Variants in TAS1R3 observed in about 807,000 individuals in gnomAD.
The protein encoded by TAS1R3 is taste receptor type 1 member 3.
A neutral mutation model predicts 46.1 loss-of-function variants in TAS1R3; 58 were observed. That is an observed-to-expected ratio of 1.26 (90% confidence interval 1.02 to 1.57). TAS1R3 has a LOEUF of 1.57. TAS1R3 is among the 40% of genes most tolerant of loss of function. The probability of loss-of-function intolerance (pLI) is 0.00; values close to 1 mark genes in which losing one functional copy is unlikely to be tolerated. For synonymous variants in TAS1R3, 724 were observed against 544.7 expected, an observed-to-expected ratio of 1.33 and a Z score of -4.58; for missense variants, 1,422 against 1,185.8, an observed-to-expected ratio of 1.20 and a Z score of -2.93.
At position 1,331,873 on chromosome 1, in the gene TAS1R3, G is replaced by C. The variant is rs140582284; in HGVS notation, c.427G>C (p.Gly143Arg). 2 of 1,612,822 alleles carry C rather than the reference G, an allele frequency of 1.2e-6. No individual in the cohort carries two copies. The highest frequency in any genetic ancestry group is 1.7e-6 in the Non-Finnish European group (2 of 1,179,992). ...QYQPRVLAVI[G>R]PHSSELAMVT... ...CCAGCCCCGTGTGCTGGCTGTCATC[G>C]GGCCCCACTCGTCAGAGCTCGCCAT... The change falls in exon 2 of 6, where the codon GGG becomes CGG. Residue 143 changes from glycine (G) to arginine (R), a missense_variant. Transcript: ENST00000339381.
chr1:1,333,417 G>C (rs1349755951), intron 5 of TAS1R3, 38 bp downstream of exon 5: 1 of 1,609,952 alleles, frequency 6.2e-7, no homozygotes, highest in Non-Finnish European at 8.5e-7. Context: ...TGGGAACGCA[G>C]CAGGGGAGGG....
rs758132427 is a variant in TAS1R3 at position 1,332,325 on chromosome 1, A to G, written c.794A>G (p.Gln265Arg). 3.4e-5 allele frequency: 54 copies of G among 1,607,130 alleles called. No individual in the cohort carries two copies. The Middle Eastern group carries it at 6.6e-4, about 20-fold the overall frequency. ...CAGGACGTCCTGCACCAGGTGAACC[A>G]GAGCAGCGTGCAGGTGGTGCTGCTG... is the stretch of plus-strand genomic sequence containing the variant. ...KVQDVLHQVN[Q>R]SSVQVVLLFA... The change falls in exon 3 of 6, where the codon CAG (glutamine) becomes CGG (arginine). Residue 265 changes from glutamine (Q) to arginine (R), a missense_variant. Transcript: ENST00000339381.
In TAS1R3 at chr1:1,333,665, T is replaced by C. The variant is rs1386892500; in HGVS notation, c.1760T>C (p.Leu587Ser). 2 of 1,612,142 alleles carry C rather than the reference T, an allele frequency of 1.2e-6. No individual in the cohort carries two copies. Among genetic ancestry groups the C allele is most frequent in the Admixed American group, 3.3e-5 (2 of 60,006 alleles). ...SLALGLVLAA[L>S]GLFVHHRDSP... ...GCGCTGGGCCTTGTGCTGGCTGCTT[T>C]GGGGCTGTTCGTTCACCATCGGGAC... is the stretch of plus-strand genomic sequence containing the variant. Residue 587 changes from leucine to serine, a missense_variant, in exon 6 of 6, where the codon TTG becomes TCG. Leu to Ser is a moderately radical substitution (Grantham distance 145). Transcript: ENST00000339381.
Position 1,332,607 on chromosome 1 carries a change from AG to A in TAS1R3, c.1079del (p.Gly360ValfsTer22). On this transcript the variant is annotated frameshift_variant, in exon 3 of 6. Transcript: ENST00000339381. LOFTEE classifies it high-confidence loss of function. ...TGCTCTGCCCTGGGCGAGAGGGAGC[AG>A]GGTCTGGAGGAGGACGTGGTGGGCC... ...AFCSALGERE[Q>X]GLEEDVVGQR... 1 of 1,610,828 alleles carries A rather than the reference AG, an allele frequency of 6.2e-7. No individual in the cohort carries two copies. The highest frequency in any genetic ancestry group is 8.5e-7 in the Non-Finnish European group (1 of 1,179,898).
In TAS1R3 at chr1:1,333,800, G is replaced by C; in HGVS notation, c.1895G>C (p.Arg632Pro). The change falls in exon 6 of 6, where the codon CGA becomes CCA. Residue 632 changes from arginine to proline, a missense_variant. Coordinates refer to ENST00000339381, the MANE Select transcript of TAS1R3 (RefSeq NM_152228.3). ...TTCCCTGGCCAGCCCAGCCCTGCCC[G>C]ATGCCTGGCCCAGCAGCCCTTGTCC... ...LLFPGQPSPARCLAQQPLSHL... is the reference protein window; with the variant it reads ...LLFPGQPSPAPCLAQQPLSHL... 1.3e-6 allele frequency: 2 copies of C among 1,595,490 alleles called. No individual in the cohort carries two copies. Among genetic ancestry groups the C allele is most frequent in the Middle Eastern group, 1.7e-4 (1 of 6,042 alleles).
Position 1,334,638 on chromosome 1 carries a change from G to T in TAS1R3, c.*174G>T. 1.4e-6 allele frequency: 1 copy of T among 710,536 alleles called. No individual in the cohort carries two copies. The highest frequency in any genetic ancestry group is 2.3e-6 in the Non-Finnish European group (1 of 443,354). 44.0% of individuals were successfully genotyped at this position (710,536 alleles called of 1,614,324 possible). ...AGGCCTGGAGCACGTGGACACCCCT[G>T]TGACCATCTGGGCCCCAGAGCCAAG... On this transcript the variant is annotated 3_prime_UTR_variant, in exon 6 of 6. Transcript: ENST00000339381.
rs779711624 is a variant in TAS1R3 at position 1,333,052 on chromosome 1, C to G, written c.1407C>G (p.His469Gln). The G allele has an allele frequency of 5.6e-6, 9 of 1,612,722 alleles. No homozygotes were observed. Among genetic ancestry groups the G allele is most frequent in the African/African-American group, 1.3e-5 (1 of 75,054 alleles). The change falls in exon 4 of 6, where the codon CAC (histidine) becomes CAG (glutamine). Residue 469 changes from histidine (H) to glutamine (Q), a missense_variant. Coordinates refer to ENST00000339381, the MANE Select transcript of TAS1R3 (RefSeq NM_152228.3). Reference sequence around the variant, plus strand: ...GGCAGGGCTCAGTGCCCAGGCTCCACGACGTGGGCAGGTTCAACGGCAGCC... The same window carrying G: ...GGCAGGGCTCAGTGCCCAGGCTCCAGGACGTGGGCAGGTTCAACGGCAGCC... ...WVWQGSVPRLHDVGRFNGSLR... is the reference protein window; with the variant it reads ...WVWQGSVPRLQDVGRFNGSLR...
In TAS1R3 at chr1:1,334,587, C is replaced by CT; in HGVS notation, c.*124dup. On this transcript the variant is annotated 3_prime_UTR_variant, in exon 6 of 6. Transcript: ENST00000339381. ...CTAGGTTCTGACCCCAGGTTGTCTC[C>CT]TGACCCTGACCCCACAGTGAGCCCT... 1 of 1,107,166 alleles carries CT rather than the reference C, an allele frequency of 9.0e-7. No individual in the cohort carries two copies. The highest frequency in any genetic ancestry group is 1.2e-6 in the Non-Finnish European group (1 of 800,382). 68.6% of individuals were successfully genotyped at this position (1,107,166 alleles called of 1,614,324 possible). A position where few individuals can be genotyped will look rare whatever the true frequency, so the allele number is the denominator to read the frequency against.
Position 1,331,461 on chromosome 1 carries a change from G to A in TAS1R3, c.116G>A (p.Gly39Glu), listed in dbSNP as rs577691125. 1.1e-5 allele frequency: 17 copies of A among 1,605,592 alleles called. No homozygotes were observed. Among genetic ancestry groups the A allele is most frequent in the Middle Eastern group, 1.7e-4 (1 of 6,022 alleles). The change falls in exon 1 of 6, where the codon GGG becomes GAG. Residue 39 changes from glycine to glutamate, a missense_variant. Transcript: ENST00000339381. ...LRMKGDYVLG[G>E]LFPLGEAEEA... ...ATGAAGGGGGACTACGTGCTGGGGG[G>A]GCTGTTCCCCCTGGGCGAGGCCGAG...
rs1260076550 is a variant in TAS1R3 at position 1,334,688 on chromosome 1, A to C, written c.*224A>C. 1 of 552,322 alleles carries C rather than the reference A, an allele frequency of 1.8e-6. No individual in the cohort carries two copies. The highest frequency in any genetic ancestry group is 1.9e-5 in the African/African-American group (1 of 52,974). The allele number at this position is 552,322 out of a possible 1,614,324, so 34.2% of individuals were successfully genotyped here. On this transcript the variant is annotated 3_prime_UTR_variant, in exon 6 of 6. Transcript: ENST00000339381. ...GCTGTGTCCCTGTCCCTCTGTGCCC[A>C]GACCAGGCCTGCCCAGGTAACCCAG... is the stretch of plus-strand genomic sequence containing the variant.
rs763977950 is a variant in TAS1R3, at chr1:1,333,855, A to G, written c.1950A>G (p.Thr650=). ...SHLPLTGCLS[T]LFLQAAEIFV... ...TCCCGCTCACGGGCTGCCTGAGCACACTCTTCCTGCAGGCGGCCGAGATCT... is the reference window on the plus strand; with the variant it reads ...TCCCGCTCACGGGCTGCCTGAGCACGCTCTTCCTGCAGGCGGCCGAGATCT... Residue 650 remains threonine (T), a synonymous_variant, in exon 6 of 6, where the codon ACA becomes ACG. Transcript: ENST00000339381. The G allele has an allele frequency of 6.2e-7, 1 of 1,600,066 alleles. No individual in the cohort carries two copies. The highest frequency in any genetic ancestry group is 1.7e-5 in the Admixed American group (1 of 59,956).
Position 1,334,188 on chromosome 1 carries a change from C to T in TAS1R3, c.2283C>T (p.Ala761=), listed in dbSNP as rs767338196. The T allele has an allele frequency of 2.5e-6, 4 of 1,600,960 alleles. No homozygotes were observed. In the South Asian group the frequency reaches 3.4e-5, roughly 13 times the overall value. ...VRSQPGCYNR[A]RGLTFAMLAY... ...GCCAGCCGGGCTGCTACAACCGTGC[C>T]CGTGGCCTCACCTTTGCCATGCTGG... Residue 761 remains alanine, a synonymous_variant, in exon 6 of 6, where the codon GCC becomes GCT. Coordinates refer to ENST00000339381, the MANE Select transcript of TAS1R3 (RefSeq NM_152228.3).
At position 1,332,116 on chromosome 1, in the gene TAS1R3, G is replaced by A. The variant is rs146097837; in HGVS notation, c.585G>A (p.Thr195=). 2,773 of 1,599,806 alleles carry A rather than the reference G, an allele frequency of 1.7e-3. 38 individuals carry two copies. The African/African-American group carries it at 0.027, about 16-fold the overall frequency. The change falls in exon 3 of 6, where the codon ACG becomes ACA. Residue 195 remains threonine (T), a synonymous_variant. Coordinates refer to ENST00000339381, the MANE Select transcript of TAS1R3 (RefSeq NM_152228.3). ...TGCCCAGCGACCGTGTGCAGCTGAC[G>A]GCCGCCGCGGAGCTGCTGCAGGAGT... is the stretch of plus-strand genomic sequence containing the variant. The part of the protein sequence containing the change: ...RTVPSDRVQL[T]AAAELLQEFG...
chr1:1,333,939 G>C lies in TAS1R3; in HGVS notation c.2034G>C (p.Gly678=). The change falls in exon 6 of 6, where the codon GGG becomes GGC. Residue 678 remains glycine (G), a synonymous_variant. Transcript: ENST00000339381. ...WADRLSGCLR[G]PWAWLVVLLA... is the part of the protein sequence containing the mutation. ...ACCGGCTGAGTGGCTGCCTGCGGGG[G>C]CCCTGGGCCTGGCTGGTGGTGCTGC... 1.2e-6 allele frequency: 2 copies of C among 1,601,226 alleles called. No individual in the cohort carries two copies. The highest frequency in any genetic ancestry group is 1.7e-6 in the Non-Finnish European group (2 of 1,179,780).
chr1:1,332,390 A>G lies in TAS1R3; in HGVS notation c.859A>G (p.Ser287Gly), dbSNP rs1331670946. ...CGCCGCCCACGCCCTCTTCAACTACAGCATCAGCAGCAGGCTCTCGCCCAA... is the reference window on the plus strand; with the variant it reads ...CGCCGCCCACGCCCTCTTCAACTACGGCATCAGCAGCAGGCTCTCGCCCAA... Reference protein sequence around the residue: ...VHAAHALFNYSISSRLSPKVW... With the variant: ...VHAAHALFNYGISSRLSPKVW... The change falls in exon 3 of 6, where the codon AGC (serine) becomes GGC (glycine). Residue 287 changes from serine to glycine, a missense_variant. By Grantham distance (56) the Ser-to-Gly change is moderately conservative (BLOSUM62 0). Coordinates refer to ENST00000339381, the MANE Select transcript of TAS1R3 (RefSeq NM_152228.3). 6.2e-7 allele frequency: 1 copy of G among 1,602,704 alleles called. No homozygotes were observed. The highest frequency in any genetic ancestry group is 1.7e-5 in the Admixed American group (1 of 58,504).
At position 1,332,191 on chromosome 1, in the gene TAS1R3, G is replaced by C. The variant is rs372719375; in HGVS notation, c.660G>C (p.Arg220=). 1.9e-5 allele frequency: 30 copies of C among 1,595,444 alleles called. No individual in the cohort carries two copies. Among genetic ancestry groups the C allele is most frequent in the Non-Finnish European group, 2.4e-5 (28 of 1,177,734 alleles). The change falls in exon 3 of 6, where the codon CGG becomes CGC. Residue 220 remains arginine (R), a synonymous_variant. Transcript: ENST00000339381. ...AALGSDDEYG[R]QGLSIFSALA... is the part of the protein sequence containing the mutation. The stretch of plus-strand genomic sequence containing the variant: ...TGGGCAGCGACGACGAGTACGGCCG[G>C]CAGGGCCTGAGCATCTTCTCGGCCC...
chr1:1,334,151 T>G lies in TAS1R3; in HGVS notation c.2246T>G (p.Phe749Cys). Residue 749 changes from phenylalanine to cysteine, a missense_variant, in exon 6 of 6, where the codon TTC becomes TGC. Phe to Cys is a radical substitution (Grantham distance 205). Transcript: ENST00000339381. ...GCCTTTCTCTGCTTCCTGGGCACTT[T>G]CCTGGTGCGGAGCCAGCCGGGCTGC... ...TLAFLCFLGT[F>C]LVRSQPGCYN... 1 of 1,584,246 alleles carries G rather than the reference T, an allele frequency of 6.3e-7. No individual in the cohort carries two copies. Among genetic ancestry groups the G allele is most frequent in the Non-Finnish European group, 8.6e-7 (1 of 1,165,172 alleles).
Position 1,333,687 on chromosome 1 carries a change from G to T in TAS1R3, c.1782G>T (p.Arg594=). ...CTTTGGGGCTGTTCGTTCACCATCG[G>T]GACAGCCCACTGGTTCAGGCCTCGG... ...LAALGLFVHH[R]DSPLVQASGG... is the part of the protein sequence containing the mutation. The change falls in exon 6 of 6, where the codon CGG becomes CGT. Residue 594 remains arginine, a synonymous_variant. Coordinates refer to ENST00000339381, the MANE Select transcript of TAS1R3 (RefSeq NM_152228.3). The T allele has an allele frequency of 6.2e-7, 1 of 1,611,704 alleles. No homozygotes were observed. Among genetic ancestry groups the T allele is most frequent in the Non-Finnish European group, 8.5e-7 (1 of 1,179,796 alleles).
In TAS1R3 at chr1:1,333,618, G is replaced by A. The variant is rs926605834; in HGVS notation, c.1713G>A (p.Leu571=). The stretch of plus-strand genomic sequence containing the variant: ...CATGGGGCGAGCCGGCTGTGCTGCT[G>A]CTGCTCCTGCTGCTGAGCCTGGCGC... ...FLAWGEPAVL[L]LLLLLSLALG... The change falls in exon 6 of 6, where the codon CTG becomes CTA. Residue 571 remains leucine (L), a synonymous_variant. Transcript: ENST00000339381. 1 of 1,610,652 alleles carries A rather than the reference G, an allele frequency of 6.2e-7. No individual in the cohort carries two copies.
Sources: gnomAD v4.1 joint callset for allele counts on GRCh38, gnomAD v4.1.1 for gene constraint, MANE v1.5 for transcripts, NCBI Gene and HGNC (gene_info 2026-07-23, HGNC 2026-07-21) for gene names.